The following SORCS2 variants were observed in gnomAD, a reference collection of about 807,000 sequenced individuals.
SORCS2 encodes the protein sortilin related VPS10 domain containing receptor 2.
Under a neutral mutation model 141.6 loss-of-function variants are expected in SORCS2, and 100 were observed. The ratio of observed to expected loss-of-function variants is 0.71; its 90% confidence interval spans 0.60 to 0.83. The LOEUF (loss-of-function observed/expected upper bound fraction) is 0.83, where lower values mean the gene tolerates loss of function less well. SORCS2 is among the 40% of genes least tolerant of loss of function. The probability of loss-of-function intolerance (pLI) is 0.00; values close to 1 mark genes in which losing one functional copy is unlikely to be tolerated. For synonymous variants in SORCS2, 789 were observed against 676.9 expected (o/e 1.17, Z -2.57); for missense variants, 1,646 against 1,560.2 (o/e 1.05, Z -0.93).
intron 2 of SORCS2, among the ~76,000 whole-genome samples, chr4:7,502,734 G>A (rs1010782453): frequency 2.0e-5 from 3 of 152,360 alleles, no homozygotes; most frequent in East Asian, 1.9e-4. Context: ...CAGGTCTCAC[G>A]ACGCTCCATC....
At chr4:7,645,743 C>G (rs1258363316) in intron 4 of SORCS2, among the ~76,000 whole-genome samples, 1 of 152,168 alleles carries the variant, frequency 6.6e-6, no homozygotes, top group Non-Finnish European at 1.5e-5. Flanking sequence ...GGGATGAAAA[C>G]TTTCTTTAAA....
chr4:7,199,229 G>A (rs951515674), intron 1 of SORCS2, among the ~76,000 whole-genome samples: 1 of 152,216 alleles, frequency 6.6e-6, no homozygotes, highest in African/African-American at 2.4e-5. Flanking sequence ...TTCTCTTGAA[G>A]TGCTTGTGGT....
intron 2 of SORCS2, among the ~76,000 whole-genome samples, chr4:7,473,173 C>T (rs567998850): frequency 6.5e-4 from 99 of 152,274 alleles, no homozygotes; most frequent in African/African-American, 2.3e-3. Flanking sequence ...AAACTGCTTC[C>T]AGAACAAACA....
chr4:7,336,994 G>A (rs912279941), intron 1 of SORCS2, among the ~76,000 whole-genome samples: 2 of 152,164 alleles, frequency 1.3e-5, no homozygotes, highest in African/African-American at 4.8e-5. Flanking sequence ...GATTGATTGA[G>A]CTGACTTACG....
At chr4:7,644,562 A>G (rs1051236256) in intron 4 of SORCS2, among the ~76,000 whole-genome samples, 1 of 152,232 alleles carries the variant, frequency 6.6e-6, no homozygotes, top group African/African-American at 2.4e-5. Flanking sequence ...AGGCCTCTGC[A>G]GTGAAACGAG....
rs1023836330 is a variant in SORCS2, at chr4:7,233,897, C to T, written c.480+40771C>T. 6.6e-6 allele frequency among the ~76,000 whole-genome samples: 1 copy of T among 152,222 alleles called. No homozygotes were observed. Among genetic ancestry groups the T allele is most frequent in the African/African-American group, 2.4e-5 (1 of 41,444 alleles). ...ACTGTCCTGTCCGCTATCCCATCCCCTTCTCTGGTCTCAGTTTCCGCATCT... is the reference window on the plus strand; with the variant it reads ...ACTGTCCTGTCCGCTATCCCATCCCTTTCTCTGGTCTCAGTTTCCGCATCT... On this transcript the variant is annotated intron_variant, in intron 1 of 26. Transcript: ENST00000507866. This position sits in a 1 kb window ranked among gnomAD's most constrained non-coding sequence, Gnocchi z 4.5.
intron 1 of SORCS2, among the ~76,000 whole-genome samples, chr4:7,332,614 C>T (rs779630868): frequency 6.6e-6 from 1 of 152,218 alleles, no homozygotes; most frequent in Admixed American, 6.5e-5. Flanking sequence ...GAGGGGTGCT[C>T]ACCCTGAAGG....
At chr4:7,519,813 G>A (rs10025062) in intron 2 of SORCS2, among the ~76,000 whole-genome samples, 12,462 of 152,156 alleles carry the variant, frequency 0.082, 1,156 homozygotes, top group African/African-American at 0.23. Context: ...CCCAGAGGGC[G>A]CACATGGGGG....
chr4:7,477,782 T>A (rs1409940768), intron 2 of SORCS2, among the ~76,000 whole-genome samples: 1 of 152,160 alleles, frequency 6.6e-6, no homozygotes, highest in African/African-American at 2.4e-5. Context: ...CATCCCAGAA[T>A]TCTGTCTCCA....
At chr4:7,633,576 A>ATAATGAATGAAT (rs1720035870) in intron 3 of SORCS2, among the ~76,000 whole-genome samples, 1 of 151,970 alleles carries the variant, frequency 6.6e-6, no homozygotes, top group African/African-American at 2.4e-5. Flanking sequence ...GCAATGTGAA[A>ATAATGAATGAAT]GAATGAATGA....
intron 2 of SORCS2, among the ~76,000 whole-genome samples, chr4:7,499,006 G>A (rs547745273): frequency 7.2e-5 from 11 of 152,362 alleles, no homozygotes; most frequent in Admixed American, 5.2e-4. Flanking sequence ...GGGGCAGGGG[G>A]CAGCACCGTG....
intron 2 of SORCS2, among the ~76,000 whole-genome samples, chr4:7,478,084 C>G (rs1730411150): frequency 5.9e-5 from 9 of 152,160 alleles, no homozygotes; most frequent in Admixed American, 5.9e-4. Flanking sequence ...CAGGGTGTGG[C>G]AAAGGGACAG....
At chr4:7,731,331 G>A (rs182293458) in intron 23 of SORCS2, among the ~76,000 whole-genome samples, 28 of 152,188 alleles carry the variant, frequency 1.8e-4, no homozygotes, top group African/African-American at 5.1e-4. Flanking sequence ...ACAAATCGAC[G>A]GAAAGATACC....
chr4:7,331,180 A>T (rs1199529938), intron 1 of SORCS2, among the ~76,000 whole-genome samples: 2 of 151,894 alleles, frequency 1.3e-5, no homozygotes, highest in Non-Finnish European at 2.9e-5. Flanking sequence ...GGGGGGCTTC[A>T]CCCCCATAGA....
chr4:7,441,296 G>C (rs935990491), intron 2 of SORCS2, among the ~76,000 whole-genome samples: 3 of 152,176 alleles, frequency 2.0e-5, no homozygotes, highest in Admixed American at 2.0e-4. Context: ...GTGAGGGGCA[G>C]CCTGAGGCCA....
At chr4:7,525,566 C>CCCCTCCT (rs903844875) in intron 2 of SORCS2, among the ~76,000 whole-genome samples, 3 of 152,014 alleles carry the variant, frequency 2.0e-5, no homozygotes, top group African/African-American at 7.2e-5. Context: ...CACCTGGTGT[C>CCCCTCCT]CCCTCCTTCA....
chr4:7,638,507 T>C lies in SORCS2; in HGVS notation c.813+15T>C. On this transcript the variant is annotated intron_variant, in intron 4 of 26. Transcript: ENST00000507866. ...AGGAGAGCAAGGTAAGATATATGGG[T>C]GCCAGTCGCCTGGTCTGTGGGGCTG... 6.2e-7 allele frequency: 1 copy of C among 1,604,586 alleles called. No individual in the cohort carries two copies. Among genetic ancestry groups the C allele is most frequent in the Non-Finnish European group, 8.5e-7 (1 of 1,176,800 alleles).
At chr4:7,246,132 G>T (rs538440658) in intron 1 of SORCS2, among the ~76,000 whole-genome samples, 1 of 152,204 alleles carries the variant, frequency 6.6e-6, no homozygotes, top group East Asian at 1.9e-4. Context: ...TGCAATTTCA[G>T]TCCTGGGTGA....
chr4:7,312,619 G>A (rs1211516033), intron 1 of SORCS2, among the ~76,000 whole-genome samples: 2 of 152,190 alleles, frequency 1.3e-5, no homozygotes, highest in Non-Finnish European at 2.9e-5. Flanking sequence ...CCTCTGTTCT[G>A]TGCTGTGAGT....
Sources: allele counts gnomAD v4.1 joint callset (sites outside exome capture counted in the v4.1 genomes callset), GRCh38; gene constraint gnomAD v4.1.1; non-coding constraint Gnocchi (gnomAD v3.1); transcripts MANE v1.5; gene names NCBI Gene and HGNC (gene_info 2026-07-23, HGNC 2026-07-21).